RREB1: variants seen among roughly 807,000 people sequenced by gnomAD.
RREB1 encodes the protein ras responsive element binding protein 1, also known as ras-responsive element-binding protein 1.
In RREB1, 27 loss-of-function variants were observed where a neutral mutation model predicts 117.8. The ratio of observed to expected loss-of-function variants is 0.23; its 90% confidence interval spans 0.17 to 0.32. The LOEUF is 0.32. Among genes scored for constraint, RREB1 ranks in the 10% least tolerant of loss-of-function variants. The pLI is 1.00. For missense variants in RREB1, 2,577 were observed against 2,378.2 expected (o/e 1.08, Z -1.74); for synonymous variants, 1,298 against 1,026.7 (o/e 1.26, Z -5.05).
chr6:7,135,001 A>G (rs542083434), intron 1 of RREB1, among the ~76,000 whole-genome samples: 1 of 152,326 alleles, frequency 6.6e-6, no homozygotes, highest in African/African-American at 2.4e-5. Flanking sequence ...AGAGAATGCA[A>G]TCAGCCAGAT....
intron 10 of RREB1, among the ~76,000 whole-genome samples, chr6:7,234,555 G>A (rs765041466): frequency 2.0e-5 from 3 of 152,220 alleles, no homozygotes; most frequent in African/African-American, 7.2e-5. Context: ...CTGAAACTGA[G>A]CAAGAAAGCA....
chr6:7,162,743 A>G (rs1318373144), intron 1 of RREB1, among the ~76,000 whole-genome samples: 3 of 152,190 alleles, frequency 2.0e-5, no homozygotes, highest in African/African-American at 7.2e-5. Context: ...TTCTCTGCCT[A>G]CGGATTGGAT....
At chr6:7,208,390 C>G (rs1766391908) in intron 6 of RREB1, among the ~76,000 whole-genome samples, 1 of 152,206 alleles carries the variant, frequency 6.6e-6, no homozygotes, top group Non-Finnish European at 1.5e-5. Flanking sequence ...ATCGTCAGAC[C>G]TGGCCGGACC....
chr6:7,126,106 A>C (rs1761899377), intron 1 of RREB1, among the ~76,000 whole-genome samples: 1 of 152,044 alleles, frequency 6.6e-6, no homozygotes, highest in South Asian at 2.1e-4. Context: ...GGTTCAAGTG[A>C]TTCTCCTGCC....
intron 1 of RREB1, among the ~76,000 whole-genome samples, chr6:7,163,507 T>TCAG (rs1763766517): frequency 6.6e-6 from 1 of 152,188 alleles, no homozygotes; most frequent in African/African-American, 2.4e-5. Context: ...TTCTCCTGCC[T>TCAG]CAGCCTCCTG....
intron 6 of RREB1, among the ~76,000 whole-genome samples, chr6:7,210,578 A>T (rs1766524472): frequency 6.6e-6 from 1 of 152,236 alleles, no homozygotes; most frequent in Admixed American, 6.5e-5. Context: ...CTTCCAGTGA[A>T]CAGCAAGACA....
chr6:7,129,624 T>C (rs1762071392), intron 1 of RREB1, among the ~76,000 whole-genome samples: 1 of 152,246 alleles, frequency 6.6e-6, no homozygotes, highest in Non-Finnish European at 1.5e-5. Flanking sequence ...TAGCGAAGCT[T>C]TATTTCTTTA....
chr6:7,141,478 C>G (rs1169958179), intron 1 of RREB1, among the ~76,000 whole-genome samples: 1 of 152,146 alleles, frequency 6.6e-6, no homozygotes, highest in Non-Finnish European at 1.5e-5. Context: ...TGCCCGCCCC[C>G]CCGCCTTTTT....
At chr6:7,190,502 A>T (rs1378085007) in intron 6 of RREB1, among the ~76,000 whole-genome samples, 1 of 152,174 alleles carries the variant, frequency 6.6e-6, no homozygotes, top group Non-Finnish European at 1.5e-5. Context: ...AACTCTTAGA[A>T]GTGAGGTATA....
At chr6:7,143,953 T>C (rs184336094) in intron 1 of RREB1, among the ~76,000 whole-genome samples, 1 of 151,450 alleles carries the variant, frequency 6.6e-6, no homozygotes, top group East Asian at 1.9e-4. Context: ...TTTTCAAATG[T>C]AAGTTTCAGA....
chr6:7,232,660 C>G (rs957905521), intron 10 of RREB1, among the ~76,000 whole-genome samples: 40 of 152,126 alleles, frequency 2.6e-4, no homozygotes, highest in African/African-American at 8.9e-4. Flanking sequence ...AGCCCATCAA[C>G]CTGTCCATCC....
rs557987664 is a variant in RREB1, at chr6:7,231,369, G to T, written c.3270G>T (p.Gly1090=). The T allele has an allele frequency of 5.0e-6, 8 of 1,613,256 alleles. No individual in the cohort carries two copies. The highest frequency in any genetic ancestry group is 6.8e-6 in the Non-Finnish European group (8 of 1,179,808). ...TLLKTKVADP[G]PASTGSNTTA... is the part of the protein sequence containing the mutation. ...TGAAAACCAAGGTGGCGGACCCAGG[G>T]CCCGCAAGCACTGGCAGTAACACCA... The change falls in exon 10 of 13, where the codon GGG becomes GGT. Residue 1090 remains glycine, a synonymous_variant. Transcript: ENST00000379938.
intron 8 of RREB1, chr6:7,216,911 C>T (rs1766932387): frequency 6.6e-6 from 1 of 152,382 alleles, no homozygotes; most frequent in South Asian, 2.1e-4. Flanking sequence ...GAGTGGCCCA[C>T]CCAGCTTCGG....
At chr6:7,225,007 G>C (rs116368483) in intron 8 of RREB1, among the ~76,000 whole-genome samples, 169 of 152,248 alleles carry the variant, frequency 1.1e-3, no homozygotes, top group African/African-American at 3.9e-3. Flanking sequence ...GCGCGATAAG[G>C]CAAGCAGGGC....
rs370433413 is a variant in RREB1, at chr6:7,135,421, G to A, written c.-285+27361G>A. Among the ~76,000 whole-genome samples, 13 of 152,306 alleles carry A rather than the reference G, an allele frequency of 8.5e-5. No homozygotes were observed. In the East Asian group the frequency reaches 2.1e-3, roughly 25 times the overall value. On this transcript the variant is annotated intron_variant, in intron 1 of 12. Coordinates refer to ENST00000379938, the MANE Select transcript of RREB1 (RefSeq NM_001003699.4). ...CAGGGCAGCAGCCAAAAGACCAGCT[G>A]GTAGATTGAGACCTTTCTGAAAAAC...
chr6:7,236,894 T>G (rs1020434469), intron 10 of RREB1, among the ~76,000 whole-genome samples: 1 of 134,064 alleles, frequency 7.5e-6, no homozygotes, highest in Non-Finnish European at 1.6e-5. Context: ...GAGGTTTTTT[T>G]TTTTTTTTTT....
chr6:7,189,879 T>C (rs566504341), intron 6 of RREB1, among the ~76,000 whole-genome samples: 6 of 151,902 alleles, frequency 3.9e-5, no homozygotes, highest in Non-Finnish European at 8.8e-5. Context: ...GACAGTAGAG[T>C]GGTAGACATA....
At chr6:7,120,469 T>C (rs1761627422) in intron 1 of RREB1, among the ~76,000 whole-genome samples, 1 of 152,012 alleles carries the variant, frequency 6.6e-6, no homozygotes. Flanking sequence ...GAAAAAAAAG[T>C]ACATGGCATG....
intron 3 of RREB1, 165 bp from the exon 4 acceptor site, chr6:7,181,705 G>A: frequency 1.5e-6 from 1 of 657,226 alleles, no homozygotes; most frequent in African/African-American, 1.8e-5. Flanking sequence ...TGGTTTAAAT[G>A]AAAGCTTCCA....
Sources: gnomAD v4.1 joint callset for allele counts (sites outside exome capture counted in the v4.1 genomes callset) on GRCh38, gnomAD v4.1.1 for gene constraint, MANE v1.5 for transcripts, NCBI Gene and HGNC (gene_info 2026-07-23, HGNC 2026-07-21) for gene names.